BRCA1: variants seen among roughly 807,000 people sequenced by gnomAD.
The protein encoded by BRCA1 is breast cancer type 1 susceptibility protein.
A neutral mutation model predicts 173.7 loss-of-function variants in BRCA1; 140 were observed. The ratio of observed to expected loss-of-function variants is 0.81; its 90% confidence interval spans 0.70 to 0.93. The LOEUF (loss-of-function observed/expected upper bound fraction) is 0.93. Among genes scored for constraint, BRCA1 ranks in the 40% least tolerant of loss-of-function variants. The probability of loss-of-function intolerance (pLI) is 0.00; values close to 1 mark genes in which losing one functional copy is unlikely to be tolerated. For synonymous variants in BRCA1, 662 were observed against 756.0 expected, an observed-to-expected ratio of 0.88 and a Z score of 2.04; for missense variants, 1,983 against 2,172.5, an observed-to-expected ratio of 0.91 and a Z score of 1.73.
At chr17:43,145,033 T>TAA in intron 1 of BRCA1, 3 of 768,808 alleles carry the variant, frequency 3.9e-6, no homozygotes, top group Non-Finnish European at 7.0e-6. Context: ...AATTGTCAGC[T>TAA]AAACCTCCTG....
intron 19 of BRCA1, among the ~76,000 whole-genome samples, chr17:43,053,891 C>A (rs963164153): frequency 6.6e-6 from 1 of 151,824 alleles, no homozygotes; most frequent in Non-Finnish European, 1.5e-5. Flanking sequence ...ATCACTTGAA[C>A]CCTGGAGGCA....
intron 1 of BRCA1, among the ~76,000 whole-genome samples, chr17:43,139,376 T>C (rs2056056984): frequency 6.6e-6 from 1 of 152,038 alleles, no homozygotes; most frequent in South Asian, 2.1e-4. Flanking sequence ...TTTCTTTTTT[T>C]TTTTTGAGAT....
At chr17:43,166,132 C>CTGTGTGTG (rs199838919) in intron 1 of BRCA1, 1 of 92,590 alleles carries the variant, frequency 1.1e-5, no homozygotes, top group Non-Finnish European at 2.3e-5. Context: ...CTTCCTCTCT[C>CTGTGTGTG]TCTGTGTGTG....
chr17:43,091,357 T>C, intron 10 of BRCA1, 78 bp downstream of exon 10: 2 of 1,558,762 alleles, frequency 1.3e-6, no homozygotes, highest in South Asian at 1.1e-5. Flanking sequence ...ATTTGTAAAA[T>C]GTGCTCCCCA....
At chr17:43,116,065 T>A (rs910389438) in intron 2 of BRCA1, among the ~76,000 whole-genome samples, 1 of 152,220 alleles carries the variant, frequency 6.6e-6, no homozygotes, top group Non-Finnish European at 1.5e-5. Flanking sequence ...TAGTTGATAA[T>A]AGTTCGTACG....
At chr17:43,121,197 A>T (rs2055548568) in intron 2 of BRCA1, among the ~76,000 whole-genome samples, 1 of 151,504 alleles carries the variant, frequency 6.6e-6, no homozygotes, top group South Asian at 2.1e-4. Context: ...AACATGGTGA[A>T]ACCCCGTCTC....
chr17:43,103,898 G>A (rs1438031345), intron 6 of BRCA1, among the ~76,000 whole-genome samples: 1 of 151,924 alleles, frequency 6.6e-6, no homozygotes, highest in Admixed American at 6.6e-5. Flanking sequence ...CCTGAGGTTA[G>A]GAGTTCGAGA....
chr17:43,083,619 T>C (rs945111577), intron 11 of BRCA1, among the ~76,000 whole-genome samples: 1 of 152,110 alleles, frequency 6.6e-6, no homozygotes, highest in Non-Finnish European at 1.5e-5. Context: ...GGACATCTCA[T>C]CTAGAATGTG....
intron 12 of BRCA1, among the ~76,000 whole-genome samples, chr17:43,077,573 ATCCACCCG>A (rs1338886068): frequency 3.7e-4 from 56 of 152,138 alleles, no homozygotes; most frequent in African/African-American, 1.3e-3. Flanking sequence ...ACCTCAAGTG[ATCCACCCG>A]CCTTGGCCTC....
At chr17:43,116,561 C>T (rs2055304217) in intron 2 of BRCA1, among the ~76,000 whole-genome samples, 1 of 152,130 alleles carries the variant, frequency 6.6e-6, no homozygotes, top group African/African-American at 2.4e-5. Context: ...TTTTGTAGCC[C>T]AGACTGGCAT....
chr17:43,080,664 C>A (rs2052965206), intron 12 of BRCA1, among the ~76,000 whole-genome samples: 1 of 151,802 alleles, frequency 6.6e-6, no homozygotes, highest in African/African-American at 2.4e-5. Flanking sequence ...AAAAAATTAG[C>A]TGGGTATGGT....
chr17:43,095,702 T>C (rs1337777577), intron 9 of BRCA1, 144 bp downstream of exon 9: 1 of 739,278 alleles, frequency 1.4e-6, no homozygotes, highest in African/African-American at 1.7e-5. Context: ...ACCACGACAT[T>C]TGACAGAGAA....
At chr17:43,138,047 C>G (rs2056042054) in intron 1 of BRCA1, 1 of 156,484 alleles carries the variant, frequency 6.4e-6, no homozygotes, top group Non-Finnish European at 1.4e-5. Context: ...ATTAGCCGGG[C>G]ATGGTGGTGC....
At chr17:43,124,397 G>A (rs935424583) in intron 1 of BRCA1, among the ~76,000 whole-genome samples, 1 of 152,130 alleles carries the variant, frequency 6.6e-6, no homozygotes, top group Non-Finnish European at 1.5e-5. Context: ...GTGACTGACC[G>A]GGTAGGTGGT....
At chr17:43,153,355 C>A (rs1411066037) in intron 1 of BRCA1, among the ~76,000 whole-genome samples, 3 of 152,192 alleles carry the variant, frequency 2.0e-5, no homozygotes, top group Non-Finnish European at 4.4e-5. Context: ...GCTAGTGAGC[C>A]TTATCTCTCC....
intron 1 of BRCA1, among the ~76,000 whole-genome samples, chr17:43,147,685 T>G (rs192411493): frequency 2.8e-4 from 42 of 152,328 alleles, no homozygotes; most frequent in African/African-American, 8.4e-4. Context: ...GAGAAAGTAC[T>G]GTTTGCTCAG....
chr17:43,062,827 G>A (rs1052895119), intron 18 of BRCA1, among the ~76,000 whole-genome samples: 3 of 151,988 alleles, frequency 2.0e-5, no homozygotes, highest in Admixed American at 1.3e-4. Context: ...GAACTCCTGA[G>A]CTCAGGCAAT....
At chr17:43,047,938 A>T (rs754657379) in intron 21 of BRCA1, among the ~76,000 whole-genome samples, 2 of 151,724 alleles carry the variant, frequency 1.3e-5, no homozygotes, top group Non-Finnish European at 2.9e-5. Context: ...CCCCTGGCTA[A>T]TTTTTTTGTA....
Position 43,161,470 on chromosome 17 carries a change from A to C in BRCA1, c.-20+8656T>G, listed in dbSNP as rs1190202427. 5.9e-5 allele frequency: 9 copies of C among 152,286 alleles called. No homozygotes were observed. The East Asian group carries it at 1.7e-3, about 29-fold the overall frequency. 9.4% of individuals were successfully genotyped at this position (152,286 alleles called of 1,614,324 possible). ...TGGACAGTAGGAAGAAAGATGGTTT[A>C]ATAGTGCCAATAACACAACTACTTG... On this transcript the variant is annotated intron_variant, in intron 1 of 7. Transcript: ENST00000634433.
Sources: gnomAD v4.1 joint callset for allele counts (sites outside exome capture counted in the v4.1 genomes callset) on GRCh38, gnomAD v4.1.1 for gene constraint, MANE v1.5 for transcripts, NCBI Gene and HGNC (gene_info 2026-07-23, HGNC 2026-07-21) for gene names.